Variants in OXR1 observed in about 807,000 individuals in gnomAD.
The protein encoded by OXR1 is oxidation resistance protein 1.
OXR1 carries 41 observed loss-of-function variants against 104.6 expected under a neutral mutation model. The ratio of observed to expected loss-of-function variants is 0.39; its 90% CI spans 0.31 to 0.51. OXR1 has a LOEUF of 0.51. Among genes scored for constraint, OXR1 ranks in the 20% least tolerant of loss-of-function variants. OXR1 has a pLI of 0.77. For missense variants in OXR1, 955 were observed against 1,031.9 expected (o/e 0.93, Z 1.02); for synonymous variants, 348 against 348.4 (o/e 1.00, Z 0.01).
At chr8:106,401,207 C>A in intron 2 of OXR1, among the ~76,000 whole-genome samples, 1 of 152,164 alleles carries the variant, frequency 6.6e-6, no homozygotes, top group Non-Finnish European at 1.5e-5. Context: ...GCTCAAAGTT[C>A]TGCCCACGAG....
At chr8:106,428,342 A>C (rs2130555371) in intron 2 of OXR1, among the ~76,000 whole-genome samples, 1 of 152,316 alleles carries the variant, frequency 6.6e-6, no homozygotes, top group South Asian at 2.1e-4. Flanking sequence ...CATTTTCAGA[A>C]GGCTCTTCTG....
intron 3 of OXR1, chr8:106,580,986 A>G: frequency 9.8e-7 from 1 of 1,021,950 alleles, no homozygotes. Context: ...TCTTGTGGCT[A>G]CCACTGTCTT....
At chr8:106,472,846 C>G (rs145821525) in intron 2 of OXR1, among the ~76,000 whole-genome samples, 6 of 151,924 alleles carry the variant, frequency 3.9e-5, no homozygotes, top group Admixed American at 2.0e-4. Context: ...TTAGTCTGGA[C>G]TACAGGTGAC....
At chr8:106,303,052 C>T (rs571532241) in intron 1 of OXR1, among the ~76,000 whole-genome samples, 3 of 151,490 alleles carry the variant, frequency 2.0e-5, no homozygotes, top group African/African-American at 4.8e-5. Context: ...CGCACCTGGC[C>T]GCAAACCTGT....
chr8:106,354,097 T>C (rs1005776611), intron 1 of OXR1, among the ~76,000 whole-genome samples: 1 of 148,284 alleles, frequency 6.7e-6, no homozygotes. Context: ...ATTCAGGCCC[T>C]TTGCCCATTT....
intron 1 of OXR1, among the ~76,000 whole-genome samples, chr8:106,288,298 G>A (rs777053438): frequency 3.3e-5 from 5 of 152,106 alleles, no homozygotes; most frequent in African/African-American, 9.7e-5. Context: ...GAACATTGCC[G>A]ACAGCCTGAG....
At chr8:106,473,199 C>G (rs917948297) in intron 2 of OXR1, among the ~76,000 whole-genome samples, 3 of 151,666 alleles carry the variant, frequency 2.0e-5, no homozygotes, top group Non-Finnish European at 4.4e-5. Context: ...TTTTTCAGCT[C>G]TAAGTCAGGA....
intron 2 of OXR1, among the ~76,000 whole-genome samples, chr8:106,513,214 A>T (rs1223261512): frequency 2.6e-5 from 4 of 152,080 alleles, no homozygotes; most frequent in Non-Finnish European, 5.9e-5. Context: ...TTCAGATTTC[A>T]TTATCAACCT....
chr8:106,330,175 G>A (rs893888045), intron 1 of OXR1, among the ~76,000 whole-genome samples: 2 of 152,182 alleles, frequency 1.3e-5, no homozygotes, highest in East Asian at 3.9e-4. Flanking sequence ...TCTCTTCCGT[G>A]CTTTTATATA....
At chr8:106,573,355 A>G (rs1817611594) in intron 3 of OXR1, among the ~76,000 whole-genome samples, 1 of 151,162 alleles carries the variant, frequency 6.6e-6, no homozygotes. Context: ...ACACACACAC[A>G]CACACACACA....
intron 9 of OXR1, 148 bp from the exon 10 acceptor site, chr8:106,710,474 A>T (rs991022064): frequency 3.8e-5 from 16 of 421,266 alleles, no homozygotes; most frequent in South Asian, 1.1e-4. Context: ...AAGGAAAAAA[A>T]ATATAAATTA....
At chr8:106,650,043 T>A (rs1319883328) in intron 3 of OXR1, among the ~76,000 whole-genome samples, 1 of 152,174 alleles carries the variant, frequency 6.6e-6, no homozygotes, top group African/African-American at 2.4e-5. Flanking sequence ...TAATGAATAA[T>A]GTCTTCAATA....
intron 3 of OXR1, among the ~76,000 whole-genome samples, chr8:106,574,979 C>G (rs1030508454): frequency 1.3e-5 from 2 of 152,152 alleles, no homozygotes; most frequent in Non-Finnish European, 2.9e-5. Flanking sequence ...TGGCTTTTCT[C>G]CATGTGACTT....
At chr8:106,582,998 T>C (rs941935685) in intron 3 of OXR1, among the ~76,000 whole-genome samples, 1 of 152,202 alleles carries the variant, frequency 6.6e-6, no homozygotes, top group Non-Finnish European at 1.5e-5. Flanking sequence ...TATGACATAA[T>C]GTGGTTATGC....
At chr8:106,692,632 T>A in intron 6 of OXR1, 96 bp from the exon 7 acceptor site, 2 of 640,484 alleles carry the variant, frequency 3.1e-6, no homozygotes, top group South Asian at 3.7e-5. Context: ...AAACAACACT[T>A]ATTGGGGAAA....
chr8:106,464,716 C>G (rs1187055202), intron 2 of OXR1, among the ~76,000 whole-genome samples: 1 of 152,020 alleles, frequency 6.6e-6, no homozygotes, highest in Non-Finnish European at 1.5e-5. Context: ...GCAGGTCTTA[C>G]TTATCCTGTA....
intron 1 of OXR1, among the ~76,000 whole-genome samples, chr8:106,350,052 A>G (rs566807759): frequency 6.6e-6 from 1 of 152,280 alleles, no homozygotes; most frequent in East Asian, 1.9e-4. Context: ...AGTGAGAGAA[A>G]GCAATAGTTT....
intron 3 of OXR1, among the ~76,000 whole-genome samples, chr8:106,605,632 T>TA (rs11347410): frequency 0.36 from 44,652 of 123,240 alleles, 8,075 homozygotes; most frequent in African/African-American, 0.45. Context: ...CCGTCTCTAC[T>TA]AAAAAAAAAA....
chr8:106,277,211 C>A (rs530761581), intron 1 of OXR1, among the ~76,000 whole-genome samples: 1 of 152,240 alleles, frequency 6.6e-6, no homozygotes, highest in African/African-American at 2.4e-5. Flanking sequence ...CAGATGGAAA[C>A]TTTGAAAGAA....
Sources: allele counts gnomAD v4.1 joint callset (sites outside exome capture counted in the v4.1 genomes callset), GRCh38; gene constraint gnomAD v4.1.1; transcripts MANE v1.5; gene names NCBI Gene and HGNC (gene_info 2026-07-23, HGNC 2026-07-21).